Variants in ZBTB7C observed in about 807,000 individuals in gnomAD.
ZBTB7C encodes the protein zinc finger and BTB domain containing 7C, also known as zinc finger and BTB domain-containing protein 7C.
ZBTB7C carries 8 observed loss-of-function variants against 25.7 expected under a neutral mutation model. The observed-to-expected ratio is 0.31, with a 90% CI of 0.18 to 0.56. The LOEUF is 0.56. ZBTB7C is among the 20% of genes least tolerant of loss of function. ZBTB7C has a pLI of 0.91. For synonymous variants in ZBTB7C, 394 were observed against 369.0 expected, an observed-to-expected ratio of 1.07 and a Z score of -0.78; for missense variants, 824 against 855.2, an observed-to-expected ratio of 0.96 and a Z score of 0.46.
At chr18:48,185,634 T>G (rs922838880) in intron 3 of ZBTB7C, among the ~76,000 whole-genome samples, 1 of 152,048 alleles carries the variant, frequency 6.6e-6, no homozygotes, top group Non-Finnish European at 1.5e-5. Flanking sequence ...AAAATGCACA[T>G]CTCTCTTTTT....
intron 2 of ZBTB7C, among the ~76,000 whole-genome samples, chr18:48,216,689 C>G (rs939559665): frequency 6.6e-6 from 1 of 152,018 alleles, no homozygotes. Context: ...AACCCCGCTC[C>G]GTCAGCCCAC....
chr18:48,376,828 A>G (rs1392996668), intron 1 of ZBTB7C, among the ~76,000 whole-genome samples: 4 of 152,190 alleles, frequency 2.6e-5, no homozygotes, highest in Admixed American at 2.0e-4. Context: ...ATTAGAGAGT[A>G]ATGACACCCT....
At chr18:48,244,440 T>C (rs1278299146) in intron 2 of ZBTB7C, among the ~76,000 whole-genome samples, 1 of 151,948 alleles carries the variant, frequency 6.6e-6, no homozygotes, top group Admixed American at 6.6e-5. Context: ...TAAATATAGA[T>C]GGGACTTAAT....
chr18:48,212,191 C>T (rs930969291), intron 2 of ZBTB7C, among the ~76,000 whole-genome samples: 3 of 152,044 alleles, frequency 2.0e-5, no homozygotes, highest in African/African-American at 7.3e-5. Flanking sequence ...CCCGTCTCTA[C>T]AAATAATTAA....
intron 2 of ZBTB7C, among the ~76,000 whole-genome samples, chr18:48,265,530 G>T (rs982802232): frequency 6.6e-6 from 1 of 152,168 alleles, no homozygotes; most frequent in African/African-American, 2.4e-5. Flanking sequence ...CCCCAGAGGA[G>T]AACTAAATGA....
intron 3 of ZBTB7C, chr18:48,072,502 C>T (rs1043714253): frequency 5.3e-5 from 8 of 152,208 alleles, no homozygotes; most frequent in African/African-American, 1.9e-4. Flanking sequence ...TGTCCCACTC[C>T]TGAAGGAGGG....
At chr18:48,157,401 G>A (rs1200851934) in intron 3 of ZBTB7C, among the ~76,000 whole-genome samples, 2 of 152,148 alleles carry the variant, frequency 1.3e-5, no homozygotes, top group Non-Finnish European at 2.9e-5. Flanking sequence ...ACTGTGGGCG[G>A]ATGAGGAAAC....
chr18:48,179,461 G>A (rs2041806123), intron 3 of ZBTB7C, among the ~76,000 whole-genome samples: 1 of 152,140 alleles, frequency 6.6e-6, no homozygotes. Context: ...GATTCCTGGG[G>A]GCTGGGTGGG....
chr18:48,312,377 G>A (rs1378717043), intron 2 of ZBTB7C, among the ~76,000 whole-genome samples: 4 of 152,168 alleles, frequency 2.6e-5, no homozygotes, highest in Non-Finnish European at 2.9e-5. Flanking sequence ...ACAGCACTAC[G>A]ATGAGTCATA....
chr18:48,239,464 A>G (rs1281892009), intron 2 of ZBTB7C, among the ~76,000 whole-genome samples: 1 of 152,210 alleles, frequency 6.6e-6, no homozygotes, highest in African/African-American at 2.4e-5. Context: ...AACAAAGTCC[A>G]CTTCACTCCC....
intron 3 of ZBTB7C, among the ~76,000 whole-genome samples, chr18:48,181,556 G>A (rs890694670): frequency 6.6e-6 from 1 of 152,326 alleles, no homozygotes; most frequent in East Asian, 1.9e-4. Flanking sequence ...GCATGACAAT[G>A]ACGGTGAATC....
At chr18:48,271,883 T>C (rs1163037155) in intron 2 of ZBTB7C, among the ~76,000 whole-genome samples, 1 of 152,210 alleles carries the variant, frequency 6.6e-6, no homozygotes, top group Non-Finnish European at 1.5e-5. Flanking sequence ...AAAATTTAGA[T>C]GTATTTTCAT....
intron 1 of ZBTB7C, among the ~76,000 whole-genome samples, chr18:48,388,330 T>G (rs2047798133): frequency 6.6e-6 from 1 of 152,198 alleles, no homozygotes; most frequent in African/African-American, 2.4e-5. Context: ...TTTTTCATTT[T>G]GTCTCAATGG....
At chr18:48,151,490 T>TCAC (rs950979368) in intron 3 of ZBTB7C, among the ~76,000 whole-genome samples, 32 of 152,246 alleles carry the variant, frequency 2.1e-4, no homozygotes, top group African/African-American at 6.3e-4. Flanking sequence ...AGAGTCCGTC[T>TCAC]CACCACAGCG....
At chr18:48,256,608 T>G (rs1482164845) in intron 2 of ZBTB7C, among the ~76,000 whole-genome samples, 1 of 151,862 alleles carries the variant, frequency 6.6e-6, no homozygotes, top group Admixed American at 6.6e-5. Flanking sequence ...AATGGTTTTG[T>G]GCATTTATAT....
intron 1 of ZBTB7C, among the ~76,000 whole-genome samples, chr18:48,387,978 C>A (rs552956736): frequency 6.6e-6 from 1 of 152,132 alleles, no homozygotes; most frequent in African/African-American, 2.4e-5. Context: ...AGACACCCAC[C>A]ACCACACCCA....
chr18:48,181,457 C>A (rs913353650), intron 3 of ZBTB7C, among the ~76,000 whole-genome samples: 1 of 152,170 alleles, frequency 6.6e-6, no homozygotes, highest in Non-Finnish European at 1.5e-5. Flanking sequence ...CTGGGCTTTG[C>A]ACAAACATTG....
At chr18:48,108,227 C>T (rs1598891907) in intron 3 of ZBTB7C, among the ~76,000 whole-genome samples, 1 of 152,170 alleles carries the variant, frequency 6.6e-6, no homozygotes, top group Admixed American at 6.5e-5. Context: ...AGCACTGGGC[C>T]AGACCTCGGG....
chr18:48,298,751 G>C (rs1196256637), intron 2 of ZBTB7C, among the ~76,000 whole-genome samples: 1 of 152,190 alleles, frequency 6.6e-6, no homozygotes, highest in East Asian at 1.9e-4. Context: ...GCCAGTGTCT[G>C]GCCCTGCTCT....
Sources: gnomAD v4.1 joint callset for allele counts (sites outside exome capture counted in the v4.1 genomes callset) on GRCh38, gnomAD v4.1.1 for gene constraint, MANE v1.5 for transcripts, NCBI Gene and HGNC (gene_info 2026-07-23, HGNC 2026-07-21) for gene names.